INPP4B: variants seen among roughly 807,000 people sequenced by gnomAD.
INPP4B encodes the protein inositol polyphosphate 4-phosphatase type II.
In INPP4B, 55 loss-of-function variants were observed where a neutral mutation model predicts 122.5. That is an observed-to-expected ratio of 0.45 (90% CI 0.36 to 0.56). The LOEUF is 0.56. Ranked by LOEUF, INPP4B falls within the 20% of genes least tolerant of loss-of-function variation. INPP4B has a pLI of 0.00. For synonymous variants in INPP4B, 403 were observed against 388.7 expected, an observed-to-expected ratio of 1.04 and a Z score of -0.43; for missense variants, 1,000 against 1,097.7, an observed-to-expected ratio of 0.91 and a Z score of 1.26.
At chr4:142,294,170 C>A (rs1472747645) in intron 9 of INPP4B, among the ~76,000 whole-genome samples, 1 of 152,098 alleles carries the variant, frequency 6.6e-6, no homozygotes, top group South Asian at 2.1e-4. Context: ...TCAAAACTAC[C>A]TTTGTAACCC....
rs1421031291 is a variant in INPP4B, at chr4:142,389,095, CA to C, written c.372+13842del. On this transcript the variant is annotated intron_variant, in intron 7 of 25. Coordinates refer to ENST00000262992, the MANE Select transcript of INPP4B (RefSeq NM_001101669.3). Reference sequence around the variant, plus strand: ...TGAAACCCTGTCTCTACTATAAACACAAAAATTAGCTGGGCACAGTGGCAGG... The same window carrying C: ...TGAAACCCTGTCTCTACTATAAACACAAAATTAGCTGGGCACAGTGGCAGG... Among the ~76,000 whole-genome samples, 9 of 152,012 alleles carry C rather than the reference CA, an allele frequency of 5.9e-5. No homozygotes were observed. In the East Asian group the frequency reaches 9.7e-4, roughly 16 times the overall value.
chr4:142,554,557 T>C (rs1268782389), intron 2 of INPP4B, among the ~76,000 whole-genome samples: 2 of 152,122 alleles, frequency 1.3e-5, no homozygotes, highest in African/African-American at 4.8e-5. Context: ...GACAAGGTAC[T>C]GTGAGATTTG....
intron 7 of INPP4B, among the ~76,000 whole-genome samples, chr4:142,326,954 C>T (rs1262558218): frequency 6.6e-6 from 1 of 152,170 alleles, no homozygotes; most frequent in Admixed American, 6.5e-5. Context: ...ATTAAACAGT[C>T]TCCTTCCAAA....
intron 1 of INPP4B, among the ~76,000 whole-genome samples, chr4:142,739,643 C>G (rs905528828): frequency 2.0e-5 from 3 of 151,836 alleles, no homozygotes; most frequent in East Asian, 3.9e-4. Flanking sequence ...CAAAGACAGA[C>G]AGAAAGAGGA....
At chr4:142,074,282 G>A (rs1463388368) in intron 25 of INPP4B, among the ~76,000 whole-genome samples, 1 of 152,084 alleles carries the variant, frequency 6.6e-6, no homozygotes, top group Non-Finnish European at 1.5e-5. Context: ...TGAGATGAGT[G>A]AGAATCTGGA....
chr4:142,816,482 G>C (rs1780130003), intron 1 of INPP4B, among the ~76,000 whole-genome samples: 1 of 151,894 alleles, frequency 6.6e-6, no homozygotes, highest in Non-Finnish European at 1.5e-5. Context: ...CGATCTTAAA[G>C]GATCTTCTCT....
At chr4:142,207,362 A>G in intron 14 of INPP4B, among the ~76,000 whole-genome samples, 1 of 152,088 alleles carries the variant, frequency 6.6e-6, no homozygotes, top group South Asian at 2.1e-4. Context: ...AGGAACCTCC[A>G]TATTTGTTTT....
At chr4:142,353,524 GTGGCAAT>G (rs1782609359) in intron 7 of INPP4B, among the ~76,000 whole-genome samples, 1 of 151,962 alleles carries the variant, frequency 6.6e-6, no homozygotes, top group Non-Finnish European at 1.5e-5. Context: ...CCTTCCATAG[GTGGCAAT>G]CAGACTAAAT....
chr4:142,225,540 A>G (rs1039045874), intron 12 of INPP4B, among the ~76,000 whole-genome samples: 2 of 148,722 alleles, frequency 1.3e-5, no homozygotes, highest in African/African-American at 4.9e-5. Context: ...ATGTATAAGT[A>G]TATATATAAA....
intron 5 of INPP4B, among the ~76,000 whole-genome samples, chr4:142,428,899 A>C (rs571675994): frequency 1.2e-4 from 18 of 152,024 alleles, no homozygotes; most frequent in Non-Finnish European, 2.6e-4. Flanking sequence ...AAATGCAGTC[A>C]CTACGTTAGA....
intron 12 of INPP4B, among the ~76,000 whole-genome samples, chr4:142,221,219 G>A (rs2149702654): frequency 6.6e-6 from 1 of 151,898 alleles, no homozygotes; most frequent in Admixed American, 6.6e-5. Context: ...CTAACATGGT[G>A]AAACCATGTC....
chr4:142,095,258 G>A (rs751530978), intron 23 of INPP4B, among the ~76,000 whole-genome samples: 15 of 152,144 alleles, frequency 9.9e-5, no homozygotes, highest in African/African-American at 2.9e-4. Context: ...AACAAAAGAC[G>A]TTGCAGTTGT....
intron 25 of INPP4B, among the ~76,000 whole-genome samples, chr4:142,065,933 A>G (rs2152457777): frequency 6.6e-6 from 1 of 152,258 alleles, no homozygotes; most frequent in South Asian, 2.1e-4. Flanking sequence ...CCCTCCAGGA[A>G]CCTTCATGTG....
chr4:142,223,192 GCACACACACA>G (rs147785040), intron 12 of INPP4B, among the ~76,000 whole-genome samples: 26 of 147,078 alleles, frequency 1.8e-4, no homozygotes, highest in African/African-American at 5.7e-4. Context: ...ATATGTGCAT[GCACACACACA>G]CACACACACA....
chr4:142,623,933 G>A (rs573183000), intron 2 of INPP4B, among the ~76,000 whole-genome samples: 2 of 152,018 alleles, frequency 1.3e-5, no homozygotes, highest in Non-Finnish European at 2.9e-5. Flanking sequence ...ATTCCACGGT[G>A]TATATGTGCC....
intron 15 of INPP4B, among the ~76,000 whole-genome samples, chr4:142,177,264 A>C (rs1008481175): frequency 8.9e-5 from 1 of 11,236 alleles, no homozygotes; most frequent in Admixed American, 1.3e-3. Flanking sequence ...TGGTATGGAA[A>C]AAAAAAATCA....
intron 2 of INPP4B, among the ~76,000 whole-genome samples, chr4:142,651,262 G>A (rs1308610127): frequency 6.6e-6 from 1 of 152,152 alleles, no homozygotes; most frequent in Admixed American, 6.6e-5. Flanking sequence ...GCCTGCAAGA[G>A]AAAGAAGGAA....
intron 1 of INPP4B, among the ~76,000 whole-genome samples, chr4:142,756,029 G>A (rs1434151550): frequency 6.6e-6 from 1 of 151,986 alleles, no homozygotes; most frequent in East Asian, 1.9e-4. Flanking sequence ...CTCGACCCTG[G>A]AGGGGAATCA....
intron 16 of INPP4B, among the ~76,000 whole-genome samples, chr4:142,165,870 T>A (rs1822461752): frequency 6.6e-6 from 1 of 151,774 alleles, no homozygotes; most frequent in Non-Finnish European, 1.5e-5. Flanking sequence ...GTCCATATCC[T>A]CCTCCACTCT....
Sources: gnomAD v4.1 joint callset for allele counts (sites outside exome capture counted in the v4.1 genomes callset) on GRCh38, gnomAD v4.1.1 for gene constraint, MANE v1.5 for transcripts, NCBI Gene and HGNC (gene_info 2026-07-23, HGNC 2026-07-21) for gene names.